Variants in ACTR3B observed in about 807,000 individuals in gnomAD.
ACTR3B encodes the protein actin related protein 3B.
A neutral mutation model predicts 59.0 loss-of-function variants in ACTR3B; 8 were observed. The ratio of observed to expected loss-of-function variants is 0.14; its 90% CI spans 0.08 to 0.24. ACTR3B has a LOEUF of 0.24. Among genes scored for constraint, ACTR3B ranks in the 10% least tolerant of loss-of-function variants. The pLI is 1.00. For synonymous variants in ACTR3B, 148 were observed against 197.9 expected (o/e 0.75, Z 2.12); for missense variants, 245 against 552.3 (o/e 0.44, Z 5.58).
intron 7 of ACTR3B, 145 bp downstream of exon 7, chr7:152,820,587 G>C (rs1272707093): frequency 1.4e-6 from 2 of 1,411,384 alleles, no homozygotes; most frequent in Admixed American, 2.8e-5. Context: ...TACCCCTTAA[G>C]TGGGCTGAAG....
chr7:152,822,697 G>A (rs1796269220), intron 7 of ACTR3B, among the ~76,000 whole-genome samples: 3 of 152,242 alleles, frequency 2.0e-5, no homozygotes, highest in Admixed American at 2.0e-4. Flanking sequence ...TGTATCCCAA[G>A]TGCCTAGACA....
chr7:152,797,990 T>G (rs1443873130), intron 2 of ACTR3B, among the ~76,000 whole-genome samples: 1 of 152,164 alleles, frequency 6.6e-6, no homozygotes, highest in Admixed American at 6.5e-5. Context: ...AGTGCTACAG[T>G]AAACATGGGA....
chr7:152,846,738 CG>C (rs1296945677), intron 9 of ACTR3B, among the ~76,000 whole-genome samples: 41 of 143,862 alleles, frequency 2.8e-4, no homozygotes, highest in East Asian at 6.3e-4. Context: ...TTCTAGCGCC[CG>C]GGGCTGTAGT....
At chr7:152,800,907 C>T (rs1590298021) in intron 3 of ACTR3B, among the ~76,000 whole-genome samples, 1 of 152,382 alleles carries the variant, frequency 6.6e-6, no homozygotes, top group African/African-American at 2.4e-5. Flanking sequence ...AGCAAGATCC[C>T]CTCCTCTGGA....
chr7:152,789,038 C>CAATA (rs1481141766), intron 2 of ACTR3B, among the ~76,000 whole-genome samples: 403 of 106,748 alleles, frequency 3.8e-3, no homozygotes, highest in African/African-American at 0.012. Context: ...ACAACAACAA[C>CAATA]AACAACAACA....
rs2098149047 is a variant in ACTR3B at position 152,780,501 on chromosome 7, C to T, written c.45-2686C>T. 2.0e-5 allele frequency among the ~76,000 whole-genome samples: 3 copies of T among 151,780 alleles called. No homozygotes were observed. In the South Asian group the frequency reaches 6.2e-4, roughly 32 times the overall value. ...TATACTGTCTAAAAGAATGTTGTGACTTAAGAATCTGAACATTCCAGCAGC... is the reference window on the plus strand; with the variant it reads ...TATACTGTCTAAAAGAATGTTGTGATTTAAGAATCTGAACATTCCAGCAGC... On this transcript the variant is annotated intron_variant, in intron 1 of 11. Transcript: ENST00000256001.
At position 152,854,553 on chromosome 7, in the gene ACTR3B, G is replaced by A; in HGVS notation, c.1257G>A (p.Ter419=). 1 of 1,613,916 alleles carries A rather than the reference G, an allele frequency of 6.2e-7. No homozygotes were observed. Among genetic ancestry groups the A allele is most frequent in the South Asian group, 1.1e-5 (1 of 91,072 alleles). ...RHNPVFGVMS[*] ...ACCCCGTCTTTGGAGTCATGTCCTA[G>A]TGTCTGCCTGAACGCGTCGTTCGAT... The change falls in exon 12 of 12, where the codon TAG becomes TAA. Residue 419 remains the stop codon, a stop_retained_variant. Coordinates refer to ENST00000256001, the MANE Select transcript of ACTR3B (RefSeq NM_020445.6). The surrounding 1 kb of genome is among the most constrained non-coding windows in gnomAD (Gnocchi z 4.9).
At chr7:152,842,498 T>C (rs866185966) in intron 9 of ACTR3B, among the ~76,000 whole-genome samples, 133 of 152,278 alleles carry the variant, frequency 8.7e-4, no homozygotes, top group African/African-American at 3.0e-3. Flanking sequence ...TGGCTGACCA[T>C]GGGTAACTGA....
intron 9 of ACTR3B, among the ~76,000 whole-genome samples, chr7:152,850,604 C>T (rs929389188): frequency 2.0e-5 from 3 of 152,248 alleles, no homozygotes; most frequent in South Asian, 2.1e-4. Context: ...CCTGAGTCCA[C>T]GTGGGTGCTG....
intron 9 of ACTR3B, among the ~76,000 whole-genome samples, chr7:152,831,781 T>C (rs1346274248): frequency 1.3e-5 from 2 of 151,966 alleles, no homozygotes; most frequent in Non-Finnish European, 2.9e-5. Flanking sequence ...TGTTTGAACA[T>C]GGGAATGGGG....
chr7:152,821,270 A>G (rs1247465194), intron 7 of ACTR3B, among the ~76,000 whole-genome samples: 1 of 152,028 alleles, frequency 6.6e-6, no homozygotes, highest in Non-Finnish European at 1.5e-5. Context: ...CCTTTCCTCC[A>G]TGGAAGAATA....
chr7:152,849,415 G>A (rs1798621103), intron 9 of ACTR3B, among the ~76,000 whole-genome samples: 1 of 152,172 alleles, frequency 6.6e-6, no homozygotes, highest in South Asian at 2.1e-4. Flanking sequence ...CAGCCCTGAA[G>A]GCCAAGCCCA....
At chr7:152,827,762 T>C (rs1414349044) in intron 9 of ACTR3B, among the ~76,000 whole-genome samples, 3 of 152,260 alleles carry the variant, frequency 2.0e-5, no homozygotes, top group Admixed American at 1.3e-4. Flanking sequence ...TGGGCACCAC[T>C]GCCTCTCCTG....
At chr7:152,843,139 G>A (rs570955987) in intron 9 of ACTR3B, among the ~76,000 whole-genome samples, 43 of 151,762 alleles carry the variant, frequency 2.8e-4, no homozygotes, top group African/African-American at 1.0e-3. Context: ...GCTAGTCTGT[G>A]GCTTGTCTTT....
intron 1 of ACTR3B, among the ~76,000 whole-genome samples, chr7:152,768,415 GTGTTTGTT>G (rs552511585): frequency 2.6e-5 from 4 of 152,092 alleles, no homozygotes; most frequent in South Asian, 2.1e-4. Flanking sequence ...GATAGTTCTG[GTGTTTGTT>G]TGTTTGTTTG....
chr7:152,783,738 G>A (rs2098162390), intron 2 of ACTR3B, among the ~76,000 whole-genome samples: 2 of 152,032 alleles, frequency 1.3e-5, no homozygotes, highest in South Asian at 4.2e-4. Flanking sequence ...GGCATGGGGC[G>A]TTCTACTCAC....
intron 4 of ACTR3B, among the ~76,000 whole-genome samples, chr7:152,810,282 T>G (rs936646865): frequency 1.3e-5 from 2 of 152,068 alleles, no homozygotes; most frequent in African/African-American, 4.8e-5. Flanking sequence ...AATTTTTGTA[T>G]TTTTAGCAGA....
chr7:152,806,904 G>A (rs1174385353), intron 4 of ACTR3B, among the ~76,000 whole-genome samples: 1 of 152,216 alleles, frequency 6.6e-6, no homozygotes, highest in Non-Finnish European at 1.5e-5. Context: ...TCATAGTGGT[G>A]TCACTCAAAG....
intron 7 of ACTR3B, 100 bp from the exon 8 acceptor site, chr7:152,823,242 C>A: frequency 6.5e-7 from 1 of 1,532,002 alleles, no homozygotes; most frequent in Non-Finnish European, 8.8e-7. Context: ...CGGTTCTGAT[C>A]CCAGGGTGTG....
Sources: allele counts gnomAD v4.1 joint callset (sites outside exome capture counted in the v4.1 genomes callset), GRCh38; gene constraint gnomAD v4.1.1; non-coding constraint Gnocchi (gnomAD v3.1); transcripts MANE v1.5; gene names NCBI Gene and HGNC (gene_info 2026-07-23, HGNC 2026-07-21).